The following GRID2 variants were observed in gnomAD, a reference collection of about 807,000 sequenced individuals.
GRID2 encodes the protein glutamate receptor ionotropic, delta-2.
In GRID2, 33 loss-of-function variants were observed where a neutral mutation model predicts 114.8. The ratio of observed to expected loss-of-function variants is 0.29; its 90% CI spans 0.22 to 0.38. GRID2 has a LOEUF of 0.38. GRID2 is among the 10% of genes least tolerant of loss of function. GRID2 has a pLI of 1.00. For synonymous variants in GRID2, 505 were observed against 449.9 expected, an observed-to-expected ratio of 1.12 and a Z score of -1.55; for missense variants, 1,184 against 1,257.7, an observed-to-expected ratio of 0.94 and a Z score of 0.89.
intron 1 of GRID2, among the ~76,000 whole-genome samples, chr4:93,804,270 A>G (rs1220827878): frequency 6.6e-6 from 1 of 152,228 alleles, no homozygotes; most frequent in South Asian, 2.1e-4. Flanking sequence ...TTGCTTAACC[A>G]TGGAGATCCA....
chr4:92,590,089 T>C, intron 1 of GRID2, 42 bp from the exon 2 acceptor site: 1 of 1,369,808 alleles, frequency 7.3e-7, no homozygotes, highest in Non-Finnish European at 1.0e-6. Context: ...GATGACAGAA[T>C]ATTTATGTTA....
chr4:92,426,092 C>G (rs1212816375), intron 1 of GRID2, among the ~76,000 whole-genome samples: 3 of 152,080 alleles, frequency 2.0e-5, no homozygotes, highest in Non-Finnish European at 4.4e-5. Flanking sequence ...ATGATTCAAA[C>G]ACACAGTTCA....
chr4:93,514,946 C>T (rs983092951), intron 12 of GRID2, among the ~76,000 whole-genome samples: 3 of 152,082 alleles, frequency 2.0e-5, no homozygotes, highest in African/African-American at 2.4e-5. Flanking sequence ...TCCCATGAAG[C>T]TTCACAAAGA....
chr4:93,763,522 T>C (rs1733386746), intron 14 of GRID2, among the ~76,000 whole-genome samples: 1 of 152,202 alleles, frequency 6.6e-6, no homozygotes, highest in African/African-American at 2.4e-5. Flanking sequence ...ACTCAGGGTT[T>C]AAGAAATCTC....
intron 9 of GRID2, among the ~76,000 whole-genome samples, chr4:93,411,974 C>G (rs1254952979): frequency 6.6e-6 from 1 of 151,214 alleles, no homozygotes; most frequent in Non-Finnish European, 1.5e-5. Flanking sequence ...AAAAAACAAA[C>G]CAATCCCGAA....
intron 2 of GRID2, among the ~76,000 whole-genome samples, chr4:92,980,270 T>C (rs990510668): frequency 6.6e-6 from 1 of 152,066 alleles, no homozygotes; most frequent in Non-Finnish European, 1.5e-5. Context: ...TATGTAAACA[T>C]AGTCATGCCA....
intron 2 of GRID2, among the ~76,000 whole-genome samples, chr4:92,672,455 A>T (rs1031459465): frequency 6.6e-6 from 1 of 152,156 alleles, no homozygotes; most frequent in Admixed American, 6.5e-5. Flanking sequence ...ATATTTTTAC[A>T]GCTTTCTCCA....
chr4:93,177,782 A>G (rs1739482632), intron 4 of GRID2, among the ~76,000 whole-genome samples: 1 of 152,144 alleles, frequency 6.6e-6, no homozygotes, highest in South Asian at 2.1e-4. Flanking sequence ...TTGCTCCTTT[A>G]TAATAAAATT....
intron 1 of GRID2, among the ~76,000 whole-genome samples, chr4:92,557,433 A>T (rs974368410): frequency 6.6e-6 from 1 of 151,430 alleles, no homozygotes; most frequent in Non-Finnish European, 1.5e-5. Flanking sequence ...ATGGAAAATT[A>T]TGCATGGATC....
chr4:93,346,465 C>T (rs1168764722), intron 8 of GRID2, among the ~76,000 whole-genome samples: 2 of 152,140 alleles, frequency 1.3e-5, no homozygotes, highest in Non-Finnish European at 2.9e-5. Context: ...TCCCCCTTCT[C>T]TGATCTTGCT....
chr4:92,772,209 CCTT>C (rs1301546895), intron 2 of GRID2, among the ~76,000 whole-genome samples: 3 of 152,100 alleles, frequency 2.0e-5, no homozygotes, highest in Non-Finnish European at 4.4e-5. Flanking sequence ...GGAAATGTAT[CCTT>C]CTTTCTAGCC....
At chr4:93,038,649 G>A (rs983259054) in intron 2 of GRID2, among the ~76,000 whole-genome samples, 2 of 152,064 alleles carry the variant, frequency 1.3e-5, no homozygotes, top group African/African-American at 4.8e-5. Flanking sequence ...AAATTAGCCA[G>A]GCGTGGTGGT....
chr4:93,767,950 A>G (rs1209629605), intron 14 of GRID2, among the ~76,000 whole-genome samples: 1 of 152,176 alleles, frequency 6.6e-6, no homozygotes, highest in Non-Finnish European at 1.5e-5. Context: ...ATATACCTTC[A>G]TGACCCCTGG....
At chr4:93,515,035 T>C (rs1428345483) in intron 12 of GRID2, among the ~76,000 whole-genome samples, 181 bp from the exon 13 acceptor site, 1 of 152,184 alleles carries the variant, frequency 6.6e-6, no homozygotes, top group Non-Finnish European at 1.5e-5. Context: ...ATAAATGCCA[T>C]ATACCCTAAC....
At chr4:92,901,823 T>TTGTG (rs373258158) in intron 2 of GRID2, among the ~76,000 whole-genome samples, 8 of 149,520 alleles carry the variant, frequency 5.4e-5, no homozygotes, top group Admixed American at 4.7e-4. Context: ...TATTATCTTT[T>TTGTG]TGTGTGTGTG....
intron 2 of GRID2, among the ~76,000 whole-genome samples, chr4:92,866,483 A>C (rs2149440890): frequency 6.6e-6 from 1 of 152,132 alleles, no homozygotes; most frequent in Non-Finnish European, 1.5e-5. Context: ...CTGAGTAAAC[A>C]ATTTTTAATA....
intron 8 of GRID2, among the ~76,000 whole-genome samples, chr4:93,324,435 T>C (rs771945370): frequency 6.6e-6 from 1 of 152,144 alleles, no homozygotes; most frequent in Non-Finnish European, 1.5e-5. Context: ...GGATTCAGTT[T>C]GCCAGTATTT....
intron 2 of GRID2, among the ~76,000 whole-genome samples, chr4:92,695,504 C>T (rs1003973084): frequency 7.9e-5 from 12 of 151,352 alleles, no homozygotes; most frequent in Admixed American, 7.3e-4. Context: ...GCAAATTTAC[C>T]AGAACAACTG....
At chr4:92,422,161 A>G (rs1381735436) in intron 1 of GRID2, among the ~76,000 whole-genome samples, 1 of 152,026 alleles carries the variant, frequency 6.6e-6, no homozygotes, top group Non-Finnish European at 1.5e-5. Context: ...TCTTTCAGCT[A>G]CCTAAAACAG....
Sources: allele counts gnomAD v4.1 joint callset (sites outside exome capture counted in the v4.1 genomes callset), GRCh38; gene constraint gnomAD v4.1.1; transcripts MANE v1.5; gene names NCBI Gene and HGNC (gene_info 2026-07-23, HGNC 2026-07-21).